Variants in PTPRJ observed in about 807,000 individuals in gnomAD.
PTPRJ encodes protein tyrosine phosphatase receptor type J.
Under a neutral mutation model 141.3 loss-of-function variants are expected in PTPRJ, and 129 were observed. That is an observed-to-expected ratio of 0.91 (90% CI 0.79 to 1.06). The LOEUF is 1.06. Ranked by LOEUF, PTPRJ falls within the 50% of genes least tolerant of loss-of-function variation. The probability of loss-of-function intolerance (pLI) is 0.00; values close to 1 mark genes in which losing one functional copy is unlikely to be tolerated. For missense variants in PTPRJ, 1,601 were observed against 1,679.7 expected (o/e 0.95, Z 0.82); for synonymous variants, 610 against 640.5 (o/e 0.95, Z 0.72).
Position 48,137,112 on chromosome 11 carries a change from T to C in PTPRJ, c.1983T>C (p.Ile661=). ...CCACGTACTCCTACTGCCTTCTTAT[T>C]GAGAAGGCTGGAAATTCCAGCAACG... ...ASPTYSYCLL[I]EKAGNSSNAT... Residue 661 remains isoleucine, a synonymous_variant, in exon 10 of 25, where the codon ATT becomes ATC. Transcript: ENST00000418331. The C allele has an allele frequency of 6.2e-7, 1 of 1,610,662 alleles. No individual in the cohort carries two copies. Among genetic ancestry groups the C allele is most frequent in the Non-Finnish European group, 8.5e-7 (1 of 1,176,844 alleles).
intron 1 of PTPRJ, among the ~76,000 whole-genome samples, chr11:48,094,763 CAG>C (rs1191659632): frequency 2.6e-5 from 4 of 152,144 alleles, no homozygotes; most frequent in Non-Finnish European, 1.5e-5. Flanking sequence ...TTCTGGGTAA[CAG>C]AGAGGCTCTC....
chr11:48,042,478 CTCTT>C (rs2134237545), intron 1 of PTPRJ, among the ~76,000 whole-genome samples: 1 of 152,260 alleles, frequency 6.6e-6, no homozygotes, highest in East Asian at 1.9e-4. Context: ...TATTTTCTCT[CTCTT>C]TCCCTTCTGT....
At chr11:48,144,915 G>A (rs1259962805) in intron 13 of PTPRJ, 30 bp downstream of exon 13, 1 of 1,613,782 alleles carries the variant, frequency 6.2e-7, no homozygotes, top group South Asian at 1.1e-5. Context: ...ACTCTTTGGG[G>A]GCTGAGCCTC....
chr11:48,018,724 G>T (rs1162644249), intron 1 of PTPRJ, among the ~76,000 whole-genome samples: 2 of 152,196 alleles, frequency 1.3e-5, no homozygotes, highest in Non-Finnish European at 2.9e-5. Context: ...TGGGGGTGCG[G>T]AATGTGGCAC....
At chr11:48,139,862 A>G (rs1857193006) in intron 11 of PTPRJ, 86 bp downstream of exon 11, 9 of 1,361,910 alleles carry the variant, frequency 6.6e-6, no homozygotes, top group Admixed American at 2.3e-5. Context: ...CGTGTGGACT[A>G]GAAATCTGTT....
chr11:48,051,167 C>T (rs1854560474), intron 1 of PTPRJ, among the ~76,000 whole-genome samples: 1 of 128,326 alleles, frequency 7.8e-6, no homozygotes, highest in African/African-American at 3.0e-5. Context: ...GCGATCTTGG[C>T]TTACTGCAAC....
Position 47,980,684 on chromosome 11 carries a change from G to A in PTPRJ, c.-229G>A. On this transcript the variant is annotated 5_prime_UTR_variant, in exon 1 of 25. Transcript: ENST00000418331. ...GCGAAGCCCCTGCGCGCTCAGGGAC[G>A]CGGCCCCCCCGCGGCAGCCGCGCTA... The A allele has an allele frequency of 1.0e-6, 1 of 989,330 alleles. No homozygotes were observed. The highest frequency in any genetic ancestry group is 1.2e-6 in the Non-Finnish European group (1 of 833,882). 61.3% of individuals were successfully genotyped at this position (989,330 alleles called of 1,614,324 possible). A position where few individuals can be genotyped will look rare whatever the true frequency, so the allele number is the denominator to read the frequency against.
chr11:48,009,417 G>C (rs553346785), intron 1 of PTPRJ, among the ~76,000 whole-genome samples: 119 of 152,274 alleles, frequency 7.8e-4, no homozygotes, highest in African/African-American at 2.4e-3. Flanking sequence ...CCAGTATGGC[G>C]AGACCCCATC....
intron 1 of PTPRJ, among the ~76,000 whole-genome samples, chr11:48,003,735 A>C (rs185255409): frequency 2.0e-5 from 3 of 152,248 alleles, no homozygotes; most frequent in African/African-American, 7.2e-5. Context: ...ACCACAGATG[A>C]TCCACCCACC....
chr11:48,136,462 AC>A (rs1371312338), intron 9 of PTPRJ, among the ~76,000 whole-genome samples, 166 bp downstream of exon 9: 1 of 152,216 alleles, frequency 6.6e-6, no homozygotes, highest in Non-Finnish European at 1.5e-5. Flanking sequence ...ACCATGGGGC[AC>A]TGTTCTTCAA....
At chr11:48,014,743 A>G (rs1252599407) in intron 1 of PTPRJ, 1 of 152,224 alleles carries the variant, frequency 6.6e-6, no homozygotes, top group Non-Finnish European at 1.5e-5. Flanking sequence ...CTTGTTACCC[A>G]GGCTGGAGTA....
intron 1 of PTPRJ, among the ~76,000 whole-genome samples, chr11:48,103,953 G>C (rs1369342555): frequency 6.6e-6 from 1 of 152,214 alleles, no homozygotes; most frequent in African/African-American, 2.4e-5. Flanking sequence ...AGGGTGGTTG[G>C]TTCTCGTTCC....
At chr11:48,070,728 C>T (rs748160512) in intron 1 of PTPRJ, among the ~76,000 whole-genome samples, 1 of 152,116 alleles carries the variant, frequency 6.6e-6, no homozygotes, top group Non-Finnish European at 1.5e-5. Context: ...TGTTTTTGCT[C>T]CTGCTGGTGA....
At chr11:48,030,297 G>A (rs569113994) in intron 1 of PTPRJ, among the ~76,000 whole-genome samples, 7 of 152,212 alleles carry the variant, frequency 4.6e-5, no homozygotes, top group Non-Finnish European at 1.0e-4. Context: ...GTGATGTAAA[G>A]TTTTATTTCT....
intron 1 of PTPRJ, among the ~76,000 whole-genome samples, chr11:48,048,488 C>T (rs1459492425): frequency 2.0e-5 from 3 of 152,278 alleles, no homozygotes; most frequent in Non-Finnish European, 4.4e-5. Context: ...GTGCTGGCCA[C>T]GGGAGCACTC....
chr11:47,983,517 C>CG (rs1342295675), intron 1 of PTPRJ, among the ~76,000 whole-genome samples: 1 of 152,140 alleles, frequency 6.6e-6, no homozygotes, highest in African/African-American at 2.4e-5. Flanking sequence ...GCTGAGATGC[C>CG]GGAAGGCTCA....
At chr11:48,100,619 C>A (rs1279004768) in intron 1 of PTPRJ, among the ~76,000 whole-genome samples, 1 of 152,132 alleles carries the variant, frequency 6.6e-6, no homozygotes, top group Non-Finnish European at 1.5e-5. Context: ...ATCAAATGGG[C>A]TGGGTGTGGT....
chr11:48,147,870 G>A (rs1857388165), intron 15 of PTPRJ, among the ~76,000 whole-genome samples: 2 of 149,906 alleles, frequency 1.3e-5, no homozygotes, highest in Admixed American at 1.3e-4. Flanking sequence ...TTTTTGAGAT[G>A]GAGTCTGGCT....
At chr11:48,089,059 G>A (rs1325590882) in intron 1 of PTPRJ, among the ~76,000 whole-genome samples, 1 of 152,152 alleles carries the variant, frequency 6.6e-6, no homozygotes, top group African/African-American at 2.4e-5. Flanking sequence ...CGCCAGGAGG[G>A]CTGCCTGTTG....
Sources: allele counts gnomAD v4.1 joint callset (sites outside exome capture counted in the v4.1 genomes callset), GRCh38; gene constraint gnomAD v4.1.1; transcripts MANE v1.5; gene names NCBI Gene and HGNC (gene_info 2026-07-23, HGNC 2026-07-21).